The following MYBPC1 variants were observed in gnomAD, a reference collection of about 807,000 sequenced individuals.
MYBPC1 encodes myosin binding protein C1, also known as myosin-binding protein C, slow-type.
MYBPC1 carries 52 observed loss-of-function variants against 147.1 expected under a neutral mutation model. The observed-to-expected ratio is 0.35, with a 90% CI of 0.28 to 0.45. The LOEUF (loss-of-function observed/expected upper bound fraction) is 0.45, where lower values mean the gene tolerates loss of function less well. Ranked by LOEUF, MYBPC1 falls within the 20% of genes least tolerant of loss-of-function variation. The pLI is 1.00. For synonymous variants in MYBPC1, 477 were observed against 475.9 expected, an observed-to-expected ratio of 1.00 and a Z score of -0.03; for missense variants, 1,228 against 1,440.3, an observed-to-expected ratio of 0.85 and a Z score of 2.39.
At chr12:101,661,486 G>T (rs1261347201) in intron 20 of MYBPC1, among the ~76,000 whole-genome samples, 1 of 151,922 alleles carries the variant, frequency 6.6e-6, no homozygotes, top group Non-Finnish European at 1.5e-5. Flanking sequence ...TTTTTTGTTT[G>T]ACATTTATAC....
chr12:101,641,724 A>T (rs1892087174), intron 10 of MYBPC1, among the ~76,000 whole-genome samples: 1 of 152,210 alleles, frequency 6.6e-6, no homozygotes, highest in South Asian at 2.1e-4. Context: ...AAATTTTTAA[A>T]ACCTAGTCTC....
At chr12:101,686,561 C>A (rs997520731), downstream of MYBPC1, among the ~76,000 whole-genome samples, 3 of 152,238 alleles carry the variant, frequency 2.0e-5, no homozygotes, top group Non-Finnish European at 4.4e-5. Flanking sequence ...TTCCTTTACT[C>A]TTCCTGATAT....
chr12:101,600,779 C>T (rs1466718255), intron 1 of MYBPC1, among the ~76,000 whole-genome samples: 1 of 152,162 alleles, frequency 6.6e-6, no homozygotes, highest in African/African-American at 2.4e-5. Context: ...ATACTCTTGG[C>T]TGCCAGTATG....
Position 101,670,314 on chromosome 12 carries a change from C to G in MYBPC1, c.2525-7C>G, listed in dbSNP as rs1362073625. 1.2e-6 allele frequency: 2 copies of G among 1,612,582 alleles called. No individual in the cohort carries two copies. Among genetic ancestry groups the G allele is most frequent in the East Asian group, 2.2e-5 (1 of 44,882 alleles). On this transcript the variant is annotated splice_region_variant and splice_polypyrimidine_tract_variant and intron_variant, in intron 23 of 31. Coordinates refer to ENST00000361466, the MANE Select transcript of MYBPC1 (RefSeq NM_002465.4). ...TTGCAAAATTGTGCTATTTTACCCT[C>G]TCTCAGAACCTCCAAAGATTCGCAT...
intron 6 of MYBPC1, among the ~76,000 whole-genome samples, chr12:101,631,156 T>C (rs188622603): frequency 1.3e-5 from 2 of 152,176 alleles, no homozygotes; most frequent in East Asian, 3.9e-4. Flanking sequence ...ATAAAAAGAG[T>C]GAAAAAAATT....
At chr12:101,690,692 G>T (rs932299837), downstream of MYBPC1, among the ~76,000 whole-genome samples, 1 of 152,150 alleles carries the variant, frequency 6.6e-6, no homozygotes, top group African/African-American at 2.4e-5. Context: ...AATTGCTTTT[G>T]CAATTTCAGA....
chr12:101,693,148 G>A, the MYBPC1 span, among the ~76,000 whole-genome samples: 807 of 152,024 alleles, frequency 5.3e-3, 3 homozygotes, highest in Admixed American at 9.9e-3. Context: ...GGGCTTCACC[G>A]TGTTAGCCAG....
intron 3 of MYBPC1, among the ~76,000 whole-genome samples, chr12:101,621,298 A>G (rs1887326450): frequency 6.6e-6 from 1 of 152,224 alleles, no homozygotes; most frequent in Admixed American, 6.5e-5. Context: ...CACAGCCACT[A>G]TTAGGCAAGA....
chr12:101,666,798 G>A (rs763352049), intron 22 of MYBPC1: 1 of 1,611,276 alleles, frequency 6.2e-7, no homozygotes, highest in Non-Finnish European at 8.5e-7. Context: ...GATCTGCCAG[G>A]TAAAGTATTC....
At chr12:101,653,922 G>A (rs1895047463) in intron 18 of MYBPC1, among the ~76,000 whole-genome samples, 1 of 152,102 alleles carries the variant, frequency 6.6e-6, no homozygotes, top group Non-Finnish European at 1.5e-5. Context: ...GAAGACATGA[G>A]GCTGGGCATG....
chr12:101,641,223 C>T (rs1003067413), intron 10 of MYBPC1, among the ~76,000 whole-genome samples: 11 of 151,618 alleles, frequency 7.3e-5, no homozygotes, highest in Non-Finnish European at 4.4e-5. Context: ...AATTCATTTT[C>T]ACACTGATAT....
Position 101,617,365 on chromosome 12 carries a change from C to T in MYBPC1, c.103+122C>T, listed in dbSNP as rs1886366592. The T allele has an allele frequency of 4.9e-6, 5 of 1,014,202 alleles. No individual in the cohort carries two copies. In the Admixed American group the frequency reaches 8.0e-5, roughly 16 times the overall value. The allele number at this position is 1,014,202 out of a possible 1,614,324, so 62.8% of individuals were successfully genotyped here. The stretch of plus-strand genomic sequence containing the variant: ...TGCATTATCTTTCGTTCTGCCTTTG[C>T]ATCTTATCTGCAAGTCCCAATCAGT... On this transcript the variant is annotated intron_variant, in intron 3 of 31. Coordinates refer to ENST00000361466, the MANE Select transcript of MYBPC1 (RefSeq NM_002465.4).
intron 1 of MYBPC1, among the ~76,000 whole-genome samples, chr12:101,604,425 T>C (rs11834115): frequency 0.12 from 18,662 of 152,206 alleles, 1,183 homozygotes; most frequent in Middle Eastern, 0.16. Flanking sequence ...GTACAGTCTT[T>C]GGCAACATTC....
chr12:101,628,155 A>G (rs1006037982), intron 5 of MYBPC1: 1 of 320,378 alleles, frequency 3.1e-6, no homozygotes, highest in African/African-American at 2.2e-5. Context: ...ACATTTTCAA[A>G]TGCATCCTAT....
intron 5 of MYBPC1, among the ~76,000 whole-genome samples, chr12:101,628,578 C>A (rs1449404105): frequency 6.6e-6 from 1 of 152,040 alleles, no homozygotes; most frequent in Admixed American, 6.5e-5. Context: ...AGAGAGTTGG[C>A]AACCTATGCA....
intron 22 of MYBPC1, chr12:101,666,537 G>A (rs1897447165): frequency 1.8e-6 from 1 of 546,298 alleles, no homozygotes; most frequent in Non-Finnish European, 3.3e-6. Flanking sequence ...GGTGCCTCAG[G>A]TCAGAAGCCA....
At chr12:101,598,176 C>T (rs747575109) in intron 1 of MYBPC1, among the ~76,000 whole-genome samples, 16 of 151,982 alleles carry the variant, frequency 1.1e-4, no homozygotes, top group Admixed American at 2.6e-4. Context: ...CCCACCAACA[C>T]GCCCAGCTAA....
chr12:101,659,689 T>A lies in MYBPC1; in HGVS notation c.1785T>A (p.Ser595Arg), dbSNP rs1321491011. Residue 595 changes from serine (S) to arginine (R), a missense_variant, in exon 19 of 32, where the codon AGT becomes AGA. Ser to Arg is a moderately radical substitution (Grantham distance 110). This residue lies in a region of MYBPC1 where 1,077 missense variants were observed against 1,314.2 expected (regional missense o/e 0.82). Coordinates refer to ENST00000361466, the MANE Select transcript of MYBPC1 (RefSeq NM_002465.4). ...CTTCTTAGGCTATTATGGAAGGCAG[T>A]GGCCGGATAAGAACAGAATCTTACC... ...SRGDKAIMEG[S>R]GRIRTESYPD... The A allele has an allele frequency of 6.2e-7, 1 of 1,614,126 alleles. No homozygotes were observed. The highest frequency in any genetic ancestry group is 1.7e-5 in the Admixed American group (1 of 60,022).
Position 101,670,389 on chromosome 12 carries a change from A to G in MYBPC1, c.2593A>G (p.Asn865Asp). 1 of 1,613,938 alleles carries G rather than the reference A, an allele frequency of 6.2e-7. No individual in the cohort carries two copies. Among genetic ancestry groups the G allele is most frequent in the Non-Finnish European group, 8.5e-7 (1 of 1,179,822 alleles). Residue 865 changes from asparagine (N) to aspartate (D), a missense_variant, in exon 24 of 32, where the codon AAT becomes GAT. By Grantham distance (23) the Asn-to-Asp change is conservative (BLOSUM62 1). This residue lies in a region of MYBPC1 where 1,077 missense variants were observed against 1,314.2 expected (regional missense o/e 0.82). Coordinates refer to ENST00000361466, the MANE Select transcript of MYBPC1 (RefSeq NM_002465.4). ...TYIRRVGEAV[N>D]LVIPFQGKPR... ...TATCCGCAGAGTTGGAGAAGCTGTC[A>G]ATCTGGTTATACCTTTCCAGGTAAG...
Sources: allele counts gnomAD v4.1 joint callset (sites outside exome capture counted in the v4.1 genomes callset), GRCh38; gene constraint gnomAD v4.1.1; regional missense constraint gnomAD v4.1.1; transcripts MANE v1.5; gene names NCBI Gene and HGNC (gene_info 2026-07-23, HGNC 2026-07-21).